ARMH3: variants seen among roughly 807,000 people sequenced by gnomAD.
ARMH3 encodes armadillo-like helical domain-containing protein 3.
ARMH3 carries 60 observed loss-of-function variants against 99.1 expected under a neutral mutation model. That is an observed-to-expected ratio of 0.61 (90% confidence interval 0.49 to 0.75). The LOEUF is 0.75. Ranked by LOEUF, ARMH3 falls within the 30% of genes least tolerant of loss-of-function variation. The pLI is 0.00. For synonymous variants in ARMH3, 285 were observed against 292.8 expected (o/e 0.97, Z 0.27); for missense variants, 679 against 843.1 (o/e 0.81, Z 2.41).
chr10:101,990,178 TC>T (rs1206057623), intron 19 of ARMH3, among the ~76,000 whole-genome samples: 5 of 151,032 alleles, frequency 3.3e-5, no homozygotes, highest in African/African-American at 7.3e-5. Context: ...CCATGAACTT[TC>T]TTTTTTTTTT....
At position 102,023,531 on chromosome 10, in the gene ARMH3, A is replaced by G. The variant is rs2066934742; in HGVS notation, c.615T>C (p.His205=). 6.2e-7 allele frequency: 1 copy of G among 1,614,090 alleles called. No individual in the cohort carries two copies. Among genetic ancestry groups the G allele is most frequent in the East Asian group, 2.2e-5 (1 of 44,884 alleles). ...ILSHPPSRRE[H]GYDAVVLLAL... is the part of the protein sequence containing the mutation. ...CCAAGAGGACGACAGCATCATACCC[A>G]TGCTCCCTACGACTTGGGGGATGGG... Residue 205 remains histidine, a synonymous_variant, in exon 8 of 26, where the codon CAT becomes CAC. Coordinates refer to ENST00000370033, the MANE Select transcript of ARMH3 (RefSeq NM_024541.3).
At chr10:101,990,195 TTTTC>T (rs1401978638) in intron 19 of ARMH3, among the ~76,000 whole-genome samples, 3 of 150,496 alleles carry the variant, frequency 2.0e-5, no homozygotes, top group Non-Finnish European at 3.0e-5. Context: ...TTTTTTTTTT[TTTTC>T]CCAGACAGAG....
intron 18 of ARMH3, 114 bp downstream of exon 18, chr10:101,991,855 C>T: frequency 1.8e-6 from 2 of 1,091,360 alleles, no homozygotes; most frequent in Non-Finnish European, 2.7e-6. Flanking sequence ...GGAAAAAACA[C>T]AACTAATAAT....
chr10:101,945,436 G>A (rs1218965187), intron 22 of ARMH3, among the ~76,000 whole-genome samples: 7 of 152,128 alleles, frequency 4.6e-5, no homozygotes, highest in Admixed American at 4.6e-4. Flanking sequence ...ACAAAAATTA[G>A]GCTGGACACG....
chr10:101,866,903 CAAACAAACAA>C (rs2067016983), intron 24 of ARMH3, among the ~76,000 whole-genome samples: 1 of 151,658 alleles, frequency 6.6e-6, no homozygotes, highest in Non-Finnish European at 1.5e-5. Flanking sequence ...TCTGTAAAAA[CAAACAAACAA>C]AAACAAACAA....
chr10:101,988,736 A>C (rs1846628000), intron 19 of ARMH3, among the ~76,000 whole-genome samples: 1 of 152,130 alleles, frequency 6.6e-6, no homozygotes, highest in Non-Finnish European at 1.5e-5. Flanking sequence ...CAGCCTGGCC[A>C]ATGTGGTGAA....
intron 2 of ARMH3, among the ~76,000 whole-genome samples, chr10:102,036,493 T>C (rs955660796): frequency 1.3e-5 from 2 of 152,176 alleles, no homozygotes; most frequent in African/African-American, 4.8e-5. Flanking sequence ...GTGTAGAAAG[T>C]AGAAGACATG....
At chr10:102,041,654 A>G (rs1361840079) in intron 1 of ARMH3, among the ~76,000 whole-genome samples, 1 of 150,474 alleles carries the variant, frequency 6.6e-6, no homozygotes, top group Non-Finnish European at 1.5e-5. Flanking sequence ...TTATTTTTAG[A>G]CTTTTTTTTT....
Position 102,033,266 on chromosome 10 carries a change from A to C in ARMH3, c.159+17T>G. 6.2e-7 allele frequency: 1 copy of C among 1,614,012 alleles called. No individual in the cohort carries two copies. The highest frequency in any genetic ancestry group is 8.5e-7 in the Non-Finnish European group (1 of 1,179,984). On this transcript the variant is annotated intron_variant, in intron 3 of 25. Transcript: ENST00000370033. ...TTTTAGTTACCAGGAAATTCCACAG[A>C]TGCCACCAACTCTTACCTTCATGAG...
At chr10:101,856,554 C>A (rs2066743166) in intron 24 of ARMH3, among the ~76,000 whole-genome samples, 2 of 151,020 alleles carry the variant, frequency 1.3e-5, no homozygotes, top group Non-Finnish European at 2.9e-5. Context: ...CCCTGTCCAA[C>A]TCCTAATCAT....
chr10:102,010,046 C>G (rs2066596785), intron 11 of ARMH3, 23 bp from the exon 12 acceptor site: 1 of 1,611,082 alleles, frequency 6.2e-7, no homozygotes, highest in Admixed American at 1.7e-5. Context: ...AGGGGAATTG[C>G]AAACTTATAG....
chr10:102,046,107 AAAT>A (rs1252280769), intron 1 of ARMH3, among the ~76,000 whole-genome samples: 1 of 151,996 alleles, frequency 6.6e-6, no homozygotes, highest in East Asian at 1.9e-4. Flanking sequence ...AAAAAAATAA[AAAT>A]AAAATAACAA....
At chr10:101,980,073 C>T (rs887361129) in intron 19 of ARMH3, among the ~76,000 whole-genome samples, 1 of 152,140 alleles carries the variant, frequency 6.6e-6, no homozygotes, top group Non-Finnish European at 1.5e-5. Context: ...TTGGACTGTA[C>T]CCCTCTGGAA....
intron 23 of ARMH3, among the ~76,000 whole-genome samples, chr10:101,938,683 C>G (rs942285468): frequency 2.6e-5 from 4 of 152,202 alleles, no homozygotes; most frequent in African/African-American, 9.6e-5. Flanking sequence ...TGGGAGAAGG[C>G]AGTTTGTAAT....
At chr10:101,958,222 G>GTA (rs1554876220) in intron 20 of ARMH3, among the ~76,000 whole-genome samples, 2 of 152,172 alleles carry the variant, frequency 1.3e-5, no homozygotes, top group African/African-American at 4.8e-5. Flanking sequence ...TATACTGTAT[G>GTA]TACTCCTCTA....
chr10:101,958,824 T>C (rs1337944936), intron 20 of ARMH3, among the ~76,000 whole-genome samples: 1 of 152,186 alleles, frequency 6.6e-6, no homozygotes, highest in African/African-American at 2.4e-5. Flanking sequence ...CAGGGAATGA[T>C]GAGTAGGAGT....
At chr10:102,033,673 C>T (rs1272784803) in intron 2 of ARMH3, among the ~76,000 whole-genome samples, 1 of 152,230 alleles carries the variant, frequency 6.6e-6, no homozygotes, top group East Asian at 1.9e-4. Context: ...CCGCCTCAGA[C>T]TCCCAAAGTG....
At chr10:102,035,643 T>C (rs960571782) in intron 2 of ARMH3, among the ~76,000 whole-genome samples, 3 of 152,228 alleles carry the variant, frequency 2.0e-5, no homozygotes, top group Admixed American at 6.5e-5. Context: ...TAACCGCGAG[T>C]GATCCGCCAG....
intron 1 of ARMH3, among the ~76,000 whole-genome samples, chr10:102,053,136 T>A (rs1167131200): frequency 6.7e-6 from 1 of 149,846 alleles, no homozygotes; most frequent in East Asian, 2.0e-4. Context: ...CAACTCTAAT[T>A]AGTCTCACTG....
Sources: gnomAD v4.1 joint callset for allele counts (sites outside exome capture counted in the v4.1 genomes callset) on GRCh38, gnomAD v4.1.1 for gene constraint, MANE v1.5 for transcripts, NCBI Gene and HGNC (gene_info 2026-07-23, HGNC 2026-07-21) for gene names.